The following TJP3 variants were observed in gnomAD, a reference collection of about 807,000 sequenced individuals.
The protein encoded by TJP3 is tight junction protein 3.
A neutral mutation model predicts 104.2 loss-of-function variants in TJP3; 85 were observed. The ratio of observed to expected loss-of-function variants is 0.82; its 90% CI spans 0.68 to 0.98. The LOEUF (loss-of-function observed/expected upper bound fraction) is 0.98. Among genes scored for constraint, TJP3 ranks in the 50% least tolerant of loss-of-function variants. TJP3 has a pLI of 0.00. For synonymous variants in TJP3, 550 were observed against 550.6 expected, an observed-to-expected ratio of 1.00 and a Z score of 0.02; for missense variants, 1,367 against 1,322.8, an observed-to-expected ratio of 1.03 and a Z score of -0.52.
At position 3,713,114 on chromosome 19, in the gene TJP3, G is replaced by A. The variant is rs973136213; in HGVS notation, c.-10+4553G>A. Among the ~76,000 whole-genome samples, 3 of 151,912 alleles carry A rather than the reference G, an allele frequency of 2.0e-5. No individual in the cohort carries two copies. In the East Asian group the frequency reaches 5.8e-4, roughly 29 times the overall value. On this transcript the variant is annotated intron_variant, in intron 1 of 20. Transcript: ENST00000541714. The stretch of plus-strand genomic sequence containing the variant: ...TGAGGTCCTCCAGCCTCCCCAGGAC[G>A]CCAAACCCTGAGACGTTCTTCAGCC...
At position 3,733,757 on chromosome 19, in the gene TJP3, A is replaced by G. The variant is rs1196634201; in HGVS notation, c.722A>G (p.Asn241Ser). 5 of 1,614,114 alleles carry G rather than the reference A, an allele frequency of 3.1e-6. No homozygotes were observed. Among genetic ancestry groups the G allele is most frequent in the Non-Finnish European group, 4.2e-6 (5 of 1,179,996 alleles). The change falls in exon 7 of 21, where the codon AAC becomes AGC. Residue 241 changes from asparagine (N) to serine (S), a missense_variant. By Grantham distance (46) the Asn-to-Ser change is conservative. Transcript: ENST00000541714. ...LQEGDLILQI[N>S]GVSSQNLSLN... ...TTCATTCCTGGTCCCTTTCAGATCA[A>G]CGGGGTGTCTAGCCAGAACCTGTCA...
At position 3,746,908 on chromosome 19, in the gene TJP3, G is replaced by GT; in HGVS notation, c.2322+32_2322+33insT. ...CCGCGGTGTGGGTGGGTCGGGCAGG[G>GT]AGGCCCCACAGACGCTGTGCAGGCC... On this transcript the variant is annotated intron_variant, in intron 18 of 20. Coordinates refer to ENST00000541714, the MANE Select transcript of TJP3 (RefSeq NM_001267560.2). This position sits in a 1 kb window ranked among gnomAD's most constrained non-coding sequence, Gnocchi z 4.1. The GT allele has an allele frequency of 8.5e-7, 1 of 1,173,604 alleles. No homozygotes were observed. Among genetic ancestry groups the GT allele is most frequent in the South Asian group, 1.3e-5 (1 of 78,086 alleles). The allele number at this position is 1,173,604 out of a possible 1,614,324, so 72.7% of individuals were successfully genotyped here. A position where few individuals can be genotyped will look rare whatever the true frequency, so the allele number is the denominator to read the frequency against.
chr19:3,735,061 C>T (rs1040304286), intron 8 of TJP3, among the ~76,000 whole-genome samples: 3 of 152,060 alleles, frequency 2.0e-5, no homozygotes, highest in Admixed American at 6.6e-5. Flanking sequence ...CTGTATTGCC[C>T]AGCTATGTTG....
Position 3,735,288 on chromosome 19 carries a change from C to T in TJP3, c.987-278C>T, listed in dbSNP as rs1370908361. On this transcript the variant is annotated intron_variant, in intron 8 of 20. Coordinates refer to ENST00000541714, the MANE Select transcript of TJP3 (RefSeq NM_001267560.2). Reference sequence around the variant, plus strand: ...GATCTTGGCTCACTGCAACCTCTGCCTCCCGGGTTCAAGCAATTCTCCTGC... The same window carrying T: ...GATCTTGGCTCACTGCAACCTCTGCTTCCCGGGTTCAAGCAATTCTCCTGC... Among the ~76,000 whole-genome samples the T allele has an allele frequency of 2.6e-5, 4 of 152,122 alleles. No homozygotes were observed. In the East Asian group the frequency reaches 7.7e-4, roughly 29 times the overall value.
rs571787890 is a variant in TJP3, at chr19:3,736,965, C to T, written c.1284+644C>T. On this transcript the variant is annotated intron_variant, in intron 11 of 20. Transcript: ENST00000541714. ...TGTGATCTTGGCTCACTGCAACCTC[C>T]GCCTCCCGGGTTCAAGGGATCATCC... Among the ~76,000 whole-genome samples the T allele has an allele frequency of 3.0e-4, 46 of 151,148 alleles. No individual in the cohort carries two copies. In the South Asian group the frequency reaches 8.2e-3, roughly 27 times the overall value.
chr19:3,747,688 G>A (rs1439372140), intron 18 of TJP3, 106 bp from the exon 19 acceptor site: 3 of 1,363,284 alleles, frequency 2.2e-6, no homozygotes, highest in African/African-American at 1.5e-5. Context: ...CAGGCTCCAG[G>A]CTCCTCGCCT....
chr19:3,718,734 C>A (rs1568378451), intron 1 of TJP3, among the ~76,000 whole-genome samples: 1 of 151,644 alleles, frequency 6.6e-6, no homozygotes, highest in African/African-American at 2.4e-5. Context: ...GATTTTCTAC[C>A]AGCTCCAGTC....
chr19:3,721,366 A>C (rs916922585), intron 1 of TJP3, among the ~76,000 whole-genome samples: 4 of 152,164 alleles, frequency 2.6e-5, no homozygotes, highest in African/African-American at 9.7e-5. Context: ...TTCCAGAGAT[A>C]AGGTGACCCA....
At position 3,739,142 on chromosome 19, in the gene TJP3, C is replaced by T; in HGVS notation, c.1631+8C>T. ...CATTCCCAACCAGAGCAGGTGGGGA[C>T]TGTGTGCTCCTGCAGTGGGGCACTT... On this transcript the variant is annotated splice_region_variant and intron_variant, in intron 13 of 20. Transcript: ENST00000541714. The T allele has an allele frequency of 6.6e-7, 1 of 1,520,596 alleles. No individual in the cohort carries two copies. The highest frequency in any genetic ancestry group is 1.3e-5 in the South Asian group (1 of 78,976). 94.2% of individuals were successfully genotyped at this position (1,520,596 alleles called of 1,614,324 possible). A position where few individuals can be genotyped will look rare whatever the true frequency, so the allele number is the denominator to read the frequency against.
At chr19:3,750,038 G>A (rs777687025) in intron 19 of TJP3, 100 bp from the exon 20 acceptor site, 2 of 1,499,304 alleles carry the variant, frequency 1.3e-6, no homozygotes, top group Non-Finnish European at 1.9e-6. Flanking sequence ...TGGGCAGCAT[G>A]GCCCGGGCCA....
chr19:3,732,864 C>T (rs577560461), intron 6 of TJP3, among the ~76,000 whole-genome samples: 4 of 151,540 alleles, frequency 2.6e-5, no homozygotes, highest in African/African-American at 4.8e-5. Flanking sequence ...AGGCTGGTCT[C>T]GAACTCCCGA....
chr19:3,734,302 G>A, intron 7 of TJP3, 25 bp from the exon 8 acceptor site: 3 of 1,610,296 alleles, frequency 1.9e-6, no homozygotes, highest in Non-Finnish European at 2.5e-6. Flanking sequence ...GACCATGGCT[G>A]ATGAGATGTC....
chr19:3,738,718 G>A, intron 12 of TJP3, 55 bp downstream of exon 12: 4 of 1,495,714 alleles, frequency 2.7e-6, no homozygotes, highest in Non-Finnish European at 3.7e-6. Context: ...GGACCTGGCT[G>A]TGTGGCCTGG....
At chr19:3,731,313 G>A (rs555465140) in intron 5 of TJP3, among the ~76,000 whole-genome samples, 11 of 152,280 alleles carry the variant, frequency 7.2e-5, no homozygotes, top group African/African-American at 2.6e-4. Flanking sequence ...GATCTGGGGG[G>A]CCCAGTGTCA....
rs1008260295 is a variant in TJP3, at chr19:3,733,809, G to C, written c.774G>C (p.Glu258Asp). 2.5e-6 allele frequency: 4 copies of C among 1,614,238 alleles called. No individual in the cohort carries two copies. In the Admixed American group the frequency reaches 6.7e-5, roughly 27 times the overall value. Residue 258 changes from glutamate (E) to aspartate (D), a missense_variant, in exon 7 of 21, where the codon GAG becomes GAC. Transcript: ENST00000541714. ...TGAACGACACCCGGCGACTGATTGA[G>C]AAGTCAGAAGGGAAGCTAAGCCTGC... The part of the protein sequence containing the change: ...LSLNDTRRLI[E>D]KSEGKLSLLV...
intron 15 of TJP3, 98 bp downstream of exon 15, chr19:3,744,132 C>G: frequency 8.8e-7 from 1 of 1,130,632 alleles, no homozygotes. Flanking sequence ...TGATGGCAAA[C>G]ATGAAGCAGA....
intron 1 of TJP3, among the ~76,000 whole-genome samples, chr19:3,719,763 G>A (rs8109978): frequency 4.5e-4 from 68 of 149,758 alleles, no homozygotes; most frequent in African/African-American, 1.6e-3. Flanking sequence ...AAGAAGGGAA[G>A]ACATATAACC....
intron 19 of TJP3, chr19:3,749,815 A>G (rs1309997387): frequency 1.4e-5 from 6 of 419,560 alleles, no homozygotes; most frequent in Non-Finnish European, 2.6e-5. Context: ...TCAACTGTCC[A>G]TGGCAGGCTG....
chr19:3,739,362 T>G (rs181778965), intron 13 of TJP3, among the ~76,000 whole-genome samples: 1 of 152,174 alleles, frequency 6.6e-6, no homozygotes, highest in Non-Finnish European at 1.5e-5. Flanking sequence ...TGGTGGCACA[T>G]GCCTATAATC....
Sources: gnomAD v4.1 joint callset for allele counts (sites outside exome capture counted in the v4.1 genomes callset) on GRCh38, gnomAD v4.1.1 for gene constraint, Gnocchi (gnomAD v3.1) non-coding constraint, MANE v1.5 for transcripts, NCBI Gene and HGNC (gene_info 2026-07-23, HGNC 2026-07-21) for gene names.